Variants in KDM6A observed in about 807,000 individuals in gnomAD.
KDM6A encodes the protein lysine-specific demethylase 6A.
A neutral mutation model predicts 117.6 loss-of-function variants in KDM6A; 11 were observed. The ratio of observed to expected loss-of-function variants is 0.09; its 90% confidence interval spans 0.06 to 0.15. The LOEUF is 0.15. Ranked by LOEUF, KDM6A falls within the 10% of genes least tolerant of loss-of-function variation. The probability of loss-of-function intolerance (pLI) is 1.00; values close to 1 mark genes in which losing one functional copy is unlikely to be tolerated. For missense variants in KDM6A, 799 were observed against 1,077.3 expected, an observed-to-expected ratio of 0.74 and a Z score of 3.62; for synonymous variants, 384 against 396.1, an observed-to-expected ratio of 0.97 and a Z score of 0.36.
At chrX:45,000,431 T>G (rs1366256580) in intron 4 of KDM6A, among the ~76,000 whole-genome samples, 1 of 111,293 alleles carries the variant, frequency 9.0e-6, no homozygotes, top group East Asian at 2.8e-4. Context: ...CTCTGGTTGA[T>G]GAAGTGCCAG....
intron 2 of KDM6A, among the ~76,000 whole-genome samples, chrX:44,940,822 G>T (rs957769051): frequency 6.3e-5 from 7 of 111,412 alleles, no homozygotes; most frequent in Admixed American, 5.7e-4. Flanking sequence ...GATCACCTGC[G>T]GTCGGGAGTT....
At chrX:45,092,718 A>G (rs1179713271) in intron 27 of KDM6A, among the ~76,000 whole-genome samples, 1 of 111,545 alleles carries the variant, frequency 9.0e-6, no homozygotes, top group Non-Finnish European at 1.9e-5. Flanking sequence ...AAATACAATA[A>G]TATTTGGGAG....
At chrX:44,943,291 G>A (rs934573469) in intron 2 of KDM6A, among the ~76,000 whole-genome samples, 2 of 110,970 alleles carry the variant, frequency 1.8e-5, no homozygotes, top group Non-Finnish European at 1.9e-5. Flanking sequence ...TGTCTCTTAA[G>A]TGTGTAATAA....
At chrX:45,041,028 G>A (rs1489222508) in intron 8 of KDM6A, among the ~76,000 whole-genome samples, 1 of 73,466 alleles carries the variant, frequency 1.4e-5, no homozygotes. Flanking sequence ...CGGACGGGGC[G>A]GCTGGCCGGG....
intron 2 of KDM6A, among the ~76,000 whole-genome samples, chrX:44,884,125 AAAAG>A (rs1438766871): frequency 3.5e-4 from 38 of 107,909 alleles, no homozygotes; most frequent in African/African-American, 1.3e-3. Context: ...AAAAAAAAAA[AAAAG>A]AGTTAGAGGT....
At chrX:44,874,044 G>T (rs764446233) in intron 2 of KDM6A, 57 bp downstream of exon 2, 1 of 1,076,951 alleles carries the variant, frequency 9.3e-7, no homozygotes, top group Non-Finnish European at 1.3e-6. Context: ...CGCCGCGCTC[G>T]CCCCGGGCCC....
chrX:44,905,230 C>A (rs1602129596), intron 2 of KDM6A, among the ~76,000 whole-genome samples: 1 of 112,404 alleles, frequency 8.9e-6, no homozygotes, highest in African/African-American at 3.2e-5. Flanking sequence ...CTACCATGAG[C>A]TACAGTCATC....
chrX:44,988,915 C>T (rs1230017540), intron 4 of KDM6A, among the ~76,000 whole-genome samples: 2 of 110,317 alleles, frequency 1.8e-5, no homozygotes, highest in Non-Finnish European at 3.8e-5. Context: ...ACTGGGAGAA[C>T]CACTGCTGTC....
rs1273141883 is a variant in KDM6A, at chrX:45,082,756, T to C, written c.3407T>C (p.Phe1136Ser). Residue 1136 changes from phenylalanine (F) to serine (S), a missense_variant, in exon 23 of 30, where the codon TTT becomes TCT. Around this residue, in one of 8 missense-constraint regions of KDM6A, gnomAD observed 291 missense variants for 437.9 expected, o/e 0.66. Transcript: ENST00000611820. ...AAAGGACCCTTTAAAACCATAAAGT[T>C]TGGGACCAATATTGACCTATCTGAT... Reference protein sequence around the residue: ...RRKGPFKTIKFGTNIDLSDDK... With the variant: ...RRKGPFKTIKSGTNIDLSDDK... 1.7e-6 allele frequency: 2 copies of C among 1,202,873 alleles called. No homozygotes were observed. Among genetic ancestry groups the C allele is most frequent in the Non-Finnish European group, 2.3e-6 (2 of 887,856 alleles).
rs1183399928 is a variant in KDM6A, at chrX:45,108,460, G to A, written c.4161+924G>A. ...GGGTAAGTAAGATATGTGTTTCAGG[G>A]AGAAAAGTGGTTGGAAAGGACAGCG... On this transcript the variant is annotated intron_variant, in intron 28 of 29. Coordinates refer to ENST00000611820, the MANE Select transcript of KDM6A (RefSeq NM_001291415.2). Among the ~76,000 whole-genome samples, 5 of 111,625 alleles carry A rather than the reference G, an allele frequency of 4.5e-5. No homozygotes were observed. In the Admixed American group the frequency reaches 4.8e-4, roughly 11 times the overall value.
Position 45,107,382 on chromosome X carries a change from G to T in KDM6A, c.4035-28G>T, listed in dbSNP as rs766110531. On this transcript the variant is annotated intron_variant, in intron 27 of 29. Transcript: ENST00000611820. ...AAAAATATTCAATATTCAGTTGCTG[G>T]TCACAAATAATTTCTCCCCCACAAT... 9.2e-6 allele frequency: 11 copies of T among 1,194,599 alleles called. No homozygotes were observed. The East Asian group carries it at 3.0e-4, about 32-fold the overall frequency.
At chrX:45,024,277 C>A (rs994939790) in intron 6 of KDM6A, among the ~76,000 whole-genome samples, 2 of 111,894 alleles carry the variant, frequency 1.8e-5, no homozygotes, top group East Asian at 5.6e-4. Context: ...GTTCCCTTTT[C>A]ACCACATCCA....
chrX:44,952,332 C>T (rs747922418), intron 2 of KDM6A, among the ~76,000 whole-genome samples: 12 of 100,972 alleles, frequency 1.2e-4, no homozygotes, highest in Non-Finnish European at 1.8e-4. Context: ...AATGCAGTGG[C>T]GCGATCTCGG....
intron 27 of KDM6A, among the ~76,000 whole-genome samples, chrX:45,097,617 GGGT>G (rs924272156): frequency 2.7e-5 from 3 of 111,385 alleles, no homozygotes; most frequent in African/African-American, 9.8e-5. Flanking sequence ...TATTTGCACT[GGGT>G]TATTTAATAA....
At chrX:45,052,507 A>T (rs990728208) in intron 9 of KDM6A, among the ~76,000 whole-genome samples, 1 of 111,983 alleles carries the variant, frequency 8.9e-6, no homozygotes, top group African/African-American at 3.2e-5. Context: ...TTTTATCATT[A>T]TCTTTAGATA....
At chrX:44,933,334 C>A in intron 2 of KDM6A, among the ~76,000 whole-genome samples, 1 of 85,856 alleles carries the variant, frequency 1.2e-5, no homozygotes, top group African/African-American at 4.8e-5. Flanking sequence ...GTGGCGTGAT[C>A]TCGGCTCACT....
In KDM6A at chrX:45,085,821, A is replaced by G. The variant is rs186458657; in HGVS notation, c.3590-44A>G. 81 of 734,234 alleles carry G rather than the reference A, an allele frequency of 1.1e-4. No homozygotes were observed. The Admixed American group carries it at 1.3e-3, about 12-fold the overall frequency. The allele number at this position is 734,234 out of a possible 1,213,427, so 60.5% of individuals were successfully genotyped here. A position where few individuals can be genotyped will look rare whatever the true frequency, so the allele number is the denominator to read the frequency against. On this transcript the variant is annotated intron_variant, in intron 24 of 29. Coordinates refer to ENST00000611820, the MANE Select transcript of KDM6A (RefSeq NM_001291415.2). The stretch of plus-strand genomic sequence containing the variant: ...CTGTATAAGTACCGTGTGCTAACCA[A>G]TTGCACCACTGGAGCTCCAATTTTT...
In KDM6A at chrX:45,069,970, T is replaced by C. The variant is rs2148046849; in HGVS notation, c.2471T>C (p.Leu824Ser). 2 of 1,212,035 alleles carry C rather than the reference T, an allele frequency of 1.7e-6. No individual in the cohort carries two copies. The highest frequency in any genetic ancestry group is 5.9e-5 in the East Asian group (2 of 33,855). Reference protein sequence around the residue: ...PSHGDSKSPGLLSSDNPQLSA... With the variant: ...PSHGDSKSPGSLSSDNPQLSA... ...CATGGAGATTCTAAGTCACCAGGTT[T>C]ACTAAGTTCAGACAATCCTCAGCTC... The change falls in exon 18 of 30, where the codon TTA (leucine) becomes TCA (serine). Residue 824 changes from leucine to serine, a missense_variant. Leu to Ser is a moderately radical substitution (Grantham distance 145). Transcript: ENST00000611820.
chrX:44,989,679 C>G (rs1166015995), intron 4 of KDM6A, among the ~76,000 whole-genome samples: 2 of 111,978 alleles, frequency 1.8e-5, no homozygotes, highest in Non-Finnish European at 1.9e-5. Flanking sequence ...TTGGGAAAGT[C>G]TCAGTGGGGA....
Sources: gnomAD v4.1 joint callset for allele counts (sites outside exome capture counted in the v4.1 genomes callset) on GRCh38, gnomAD v4.1.1 for gene constraint, gnomAD v4.1.1 regional missense constraint, MANE v1.5 for transcripts, NCBI Gene and HGNC (gene_info 2026-07-23, HGNC 2026-07-21) for gene names.